CRB1: variants seen among roughly 807,000 people sequenced by gnomAD.
CRB1 encodes the protein protein crumbs homolog 1.
A neutral mutation model predicts 120.0 loss-of-function variants in CRB1; 83 were observed. The ratio of observed to expected loss-of-function variants is 0.69; its 90% CI spans 0.58 to 0.83. The LOEUF (loss-of-function observed/expected upper bound fraction) is 0.83, where lower values mean the gene tolerates loss of function less well. Among genes scored for constraint, CRB1 ranks in the 40% least tolerant of loss-of-function variants. The pLI is 0.00. For synonymous variants in CRB1, 625 were observed against 612.5 expected, an observed-to-expected ratio of 1.02 and a Z score of -0.30; for missense variants, 1,699 against 1,687.6, an observed-to-expected ratio of 1.01 and a Z score of -0.12.
the CRB1 span, among the ~76,000 whole-genome samples, chr1:197,255,875 G>A: frequency 2.0e-5 from 3 of 149,538 alleles, no homozygotes; most frequent in Admixed American, 6.7e-5. Flanking sequence ...AGGATAGGAG[G>A]AGAGTAGAAA....
intron 11 of CRB1, among the ~76,000 whole-genome samples, chr1:197,462,612 T>C (rs1666580040): frequency 6.6e-6 from 1 of 152,150 alleles, no homozygotes; most frequent in African/African-American, 2.4e-5. Context: ...GGACAAGGTA[T>C]AAATGCTACG....
chr1:197,274,390 T>C (rs1655074802), intron 1 of CRB1, among the ~76,000 whole-genome samples: 1 of 152,214 alleles, frequency 6.6e-6, no homozygotes, highest in Non-Finnish European at 1.5e-5. Flanking sequence ...TGAGATTATT[T>C]CATACATTTG....
intron 1 of CRB1, among the ~76,000 whole-genome samples, chr1:197,290,783 AAG>A (rs1168034765): frequency 6.6e-6 from 1 of 151,860 alleles, no homozygotes; most frequent in East Asian, 1.9e-4. Flanking sequence ...CTAAAAATAG[AAG>A]TTAATTATCC....
At chr1:197,326,520 C>A (rs1051130779) in intron 1 of CRB1, among the ~76,000 whole-genome samples, 1 of 151,974 alleles carries the variant, frequency 6.6e-6, no homozygotes, top group African/African-American at 2.4e-5. Flanking sequence ...CATCCCAGCT[C>A]TTTGGGAGGC....
chr1:197,302,925 TC>T (rs1459028881), intron 1 of CRB1, among the ~76,000 whole-genome samples: 1 of 152,138 alleles, frequency 6.6e-6, no homozygotes, highest in East Asian at 1.9e-4. Context: ...CTTTAATAGT[TC>T]CAGATACTTT....
intron 5 of CRB1, among the ~76,000 whole-genome samples, chr1:197,363,520 A>G (rs1447765365): frequency 6.6e-6 from 1 of 152,160 alleles, no homozygotes; most frequent in Non-Finnish European, 1.5e-5. Flanking sequence ...AAAATTCTAC[A>G]CAACTTTTTT....
intron 4 of CRB1, among the ~76,000 whole-genome samples, chr1:197,353,727 G>T (rs1222490463): frequency 6.7e-6 from 1 of 149,172 alleles, no homozygotes. Flanking sequence ...CTTGAACCCA[G>T]CAGATGGAGG....
intron 2 of CRB1, among the ~76,000 whole-genome samples, chr1:197,337,396 G>C (rs1209802045): frequency 6.6e-6 from 1 of 152,096 alleles, no homozygotes; most frequent in African/African-American, 2.4e-5. Flanking sequence ...TAGAAGACAG[G>C]GATTCCAGGC....
intron 5 of CRB1, chr1:197,360,542 A>C (rs1660718854): frequency 6.6e-6 from 1 of 152,228 alleles, no homozygotes; most frequent in South Asian, 2.1e-4. Flanking sequence ...TAACTCCAAT[A>C]CTAAAATGCA....
intron 5 of CRB1, among the ~76,000 whole-genome samples, chr1:197,416,867 G>A (rs549416002): frequency 8.5e-4 from 130 of 152,058 alleles, no homozygotes; most frequent in Middle Eastern, 3.4e-3. Context: ...ACGCCACCAC[G>A]CCTGGCTAAT....
At chr1:197,279,095 T>G (rs754316359) in intron 1 of CRB1, among the ~76,000 whole-genome samples, 42 of 151,946 alleles carry the variant, frequency 2.8e-4, no homozygotes, top group Non-Finnish European at 4.9e-4. Flanking sequence ...TTATTAGCCC[T>G]AATGAAAGTA....
intron 1 of CRB1, among the ~76,000 whole-genome samples, chr1:197,306,549 T>C (rs182855469): frequency 2.0e-5 from 3 of 152,234 alleles, no homozygotes; most frequent in African/African-American, 4.8e-5. Context: ...GCCTGTCATA[T>C]CCATTGGGTG....
At chr1:197,320,790 C>T (rs1048176434) in intron 1 of CRB1, among the ~76,000 whole-genome samples, 4 of 152,064 alleles carry the variant, frequency 2.6e-5, no homozygotes, top group African/African-American at 9.7e-5. Flanking sequence ...TCAAGTAAAG[C>T]ACTCTTATTA....
intron 5 of CRB1, among the ~76,000 whole-genome samples, chr1:197,372,113 C>A (rs560889634): frequency 3.3e-5 from 5 of 152,208 alleles, no homozygotes; most frequent in African/African-American, 1.2e-4. Flanking sequence ...CAATTTGCCT[C>A]ATGCAGCATT....
In CRB1 at chr1:197,421,399, T is replaced by G; in HGVS notation, c.1571T>G (p.Leu524Arg). The G allele has an allele frequency of 6.2e-7, 1 of 1,614,216 alleles. No individual in the cohort carries two copies. The highest frequency in any genetic ancestry group is 8.5e-7 in the Non-Finnish European group (1 of 1,180,042). ...FQTVQPMALL[L>R]FRSNRDVFVK... ...ACTGTTCAGCCAATGGCTCTTCTAC[T>G]TTTCCGAAGCAACAGGGATGTGTTT... The change falls in exon 6 of 12, where the codon CTT becomes CGT. Residue 524 changes from leucine to arginine, a missense_variant. Physicochemically the swap from Leu to Arg is moderately radical, Grantham distance 102 (BLOSUM62 -2). Coordinates refer to ENST00000367400, the MANE Select transcript of CRB1 (RefSeq NM_201253.3).
chr1:197,260,975 G>A, the CRB1 span, among the ~76,000 whole-genome samples: 8 of 152,290 alleles, frequency 5.3e-5, 1 homozygote, highest in South Asian at 1.4e-3. Context: ...GATTACAGGC[G>A]TGAGCCACCG....
At chr1:197,245,630 T>A in the CRB1 span, among the ~76,000 whole-genome samples, 1 of 152,154 alleles carries the variant, frequency 6.6e-6, no homozygotes, top group African/African-American at 2.4e-5. Context: ...CCTTGAGATA[T>A]TTCTGCTTTT....
chr1:197,227,556 A>G, the CRB1 span, among the ~76,000 whole-genome samples: 1 of 152,026 alleles, frequency 6.6e-6, no homozygotes, highest in Non-Finnish European at 1.5e-5. Flanking sequence ...AGTCTTGGGC[A>G]GCTCTGCCCC....
intron 7 of CRB1, chr1:197,429,177 A>G: frequency 2.6e-6 from 4 of 1,526,818 alleles, no homozygotes; most frequent in Non-Finnish European, 3.5e-6. Context: ...TAAATTACAG[A>G]GGACACTGCT....
Sources: gnomAD v4.1 joint callset for allele counts (sites outside exome capture counted in the v4.1 genomes callset) on GRCh38, gnomAD v4.1.1 for gene constraint, MANE v1.5 for transcripts, NCBI Gene and HGNC (gene_info 2026-07-23, HGNC 2026-07-21) for gene names.